The following RNF169 variants were observed in gnomAD, a reference collection of about 807,000 sequenced individuals.
RNF169 encodes ring finger protein 169.
A neutral mutation model predicts 53.9 loss-of-function variants in RNF169; 24 were observed. That is an observed-to-expected ratio of 0.45 (90% confidence interval 0.32 to 0.63). RNF169 has a LOEUF of 0.63. RNF169 is among the 20% of genes least tolerant of loss of function. The pLI, the probability that RNF169 is intolerant of heterozygous loss-of-function variation, is 0.04. For missense variants in RNF169, 883 were observed against 906.2 expected, an observed-to-expected ratio of 0.97 and a Z score of 0.33; for synonymous variants, 396 against 363.5, an observed-to-expected ratio of 1.09 and a Z score of -1.02.
At chr11:74,831,257 TG>T (rs1442956360) in intron 4 of RNF169, 5 of 152,112 alleles carry the variant, frequency 3.3e-5, no homozygotes, top group Admixed American at 6.5e-5. Flanking sequence ...AAAAAATCCA[TG>T]AAATAATTGT....
intron 2 of RNF169, among the ~76,000 whole-genome samples, chr11:74,790,278 T>C (rs2035561389): frequency 6.6e-6 from 1 of 152,230 alleles, no homozygotes; most frequent in Admixed American, 6.5e-5. Context: ...ATAAGAAGTA[T>C]GTTGCTAGAT....
chr11:74,836,764 C>G lies in RNF169; in HGVS notation c.*34C>G, dbSNP rs764801955. On this transcript the variant is annotated 3_prime_UTR_variant, in exon 6 of 6. Coordinates refer to ENST00000299563, the MANE Select transcript of RNF169 (RefSeq NM_001098638.2). ...GAAGTGTTACCTATTTTTAAAAGGT[C>G]TTAGGCCTTGATCATTTATCCTGAA... The G allele has an allele frequency of 6.7e-7, 1 of 1,482,964 alleles. No individual in the cohort carries two copies. Among genetic ancestry groups the G allele is most frequent in the South Asian group, 1.2e-5 (1 of 81,220 alleles). 91.9% of individuals were successfully genotyped at this position (1,482,964 alleles called of 1,614,324 possible).
chr11:74,802,695 T>C (rs994653466), intron 2 of RNF169, among the ~76,000 whole-genome samples: 6 of 152,144 alleles, frequency 3.9e-5, no homozygotes, highest in African/African-American at 1.4e-4. Context: ...GTGAGCAACT[T>C]TGTCATTTTT....
intron 4 of RNF169, among the ~76,000 whole-genome samples, chr11:74,818,856 G>A (rs184513144): frequency 9.2e-5 from 14 of 152,082 alleles, no homozygotes; most frequent in African/African-American, 3.4e-4. Context: ...TCATTTTGGG[G>A]CTTTTTTGTT....
At position 74,751,260 on chromosome 11, in the gene RNF169, A is replaced by G. The variant is rs928608370; in HGVS notation, c.502+1878A>G. On this transcript the variant is annotated intron_variant, in intron 1 of 5. Transcript: ENST00000299563. Reference sequence around the variant, plus strand: ...GATGAAACTGAGGTCCAGAGAGGTTAACTAACTTGCCTAAGGATGAAAACC... The same window carrying G: ...GATGAAACTGAGGTCCAGAGAGGTTGACTAACTTGCCTAAGGATGAAAACC... Among the ~76,000 whole-genome samples the G allele has an allele frequency of 1.8e-4, 28 of 152,214 alleles. 1 individual carries two copies. The highest frequency in any genetic ancestry group is 6.8e-4 in the African/African-American group (28 of 41,452).
chr11:74,801,066 C>T (rs755229595), intron 2 of RNF169, among the ~76,000 whole-genome samples: 18 of 152,078 alleles, frequency 1.2e-4, no homozygotes, highest in Admixed American at 2.6e-4. Context: ...TATTTAGATA[C>T]GCTTAATTCT....
chr11:74,819,198 T>A (rs937100281), intron 4 of RNF169, among the ~76,000 whole-genome samples: 1 of 152,200 alleles, frequency 6.6e-6, no homozygotes, highest in Non-Finnish European at 1.5e-5. Context: ...CTGCTGCTGC[T>A]GCTGCAATTT....
In RNF169 at chr11:74,841,569, A is replaced by T. The variant is rs969776609; in HGVS notation, c.*4839A>T. ...ATTTACTCTCTCTCCTTTGTGAGTA[A>T]ATGCCTCCTTAATGCCTTTTAAGTA... On this transcript the variant is annotated 3_prime_UTR_variant, in exon 6 of 6. Transcript: ENST00000299563. 1 of 152,170 alleles carries T rather than the reference A, an allele frequency of 6.6e-6. No homozygotes were observed. 9.4% of individuals were successfully genotyped at this position (152,170 alleles called of 1,614,324 possible). A position where few individuals can be genotyped will look rare whatever the true frequency, so the allele number is the denominator to read the frequency against.
At chr11:74,793,528 C>G (rs2035607959) in intron 2 of RNF169, among the ~76,000 whole-genome samples, 1 of 152,092 alleles carries the variant, frequency 6.6e-6, no homozygotes, top group African/African-American at 2.4e-5. Flanking sequence ...ATTTAAAAAT[C>G]CTAGATTCTA....
intron 1 of RNF169, among the ~76,000 whole-genome samples, chr11:74,784,230 T>TTTA (rs2035456220): frequency 6.6e-6 from 1 of 152,248 alleles, no homozygotes; most frequent in Admixed American, 6.5e-5. Flanking sequence ...GTATTGTTAC[T>TTTA]GAATCACTAA....
At chr11:74,795,410 C>CT (rs940519400) in intron 2 of RNF169, among the ~76,000 whole-genome samples, 12 of 152,178 alleles carry the variant, frequency 7.9e-5, no homozygotes, top group Middle Eastern at 3.4e-3. Flanking sequence ...ACTTGAACCT[C>CT]TGGGCTCAAG....
chr11:74,791,898 G>A (rs368841321), intron 2 of RNF169, among the ~76,000 whole-genome samples: 176 of 152,336 alleles, frequency 1.2e-3, no homozygotes, highest in Non-Finnish European at 3.8e-4. Flanking sequence ...TCCGTGGAGC[G>A]TACAGCCCCA....
At chr11:74,827,386 A>T (rs1185208306) in intron 4 of RNF169, among the ~76,000 whole-genome samples, 1 of 152,200 alleles carries the variant, frequency 6.6e-6, no homozygotes, top group Non-Finnish European at 1.5e-5. Context: ...CTGCAGTGGG[A>T]GGGCTTGCTG....
intron 1 of RNF169, among the ~76,000 whole-genome samples, chr11:74,756,117 C>G (rs1173236539): frequency 6.6e-6 from 1 of 152,054 alleles, no homozygotes; most frequent in African/African-American, 2.4e-5. Context: ...TTCAGTCATT[C>G]ATTAATTTAG....
Position 74,789,762 on chromosome 11 carries a change from CT to C in RNF169, c.576+65del, listed in dbSNP as rs2035554833. 5 of 1,096,626 alleles carry C rather than the reference CT, an allele frequency of 4.6e-6. No individual in the cohort carries two copies. In the East Asian group the frequency reaches 9.5e-5, roughly 21 times the overall value. 67.9% of individuals were successfully genotyped at this position (1,096,626 alleles called of 1,614,324 possible). ...ATTGAAATAATGACATTAAAGAATG[CT>C]TAGTGGGAGTTTTGACCAGGTTTTA... is the stretch of plus-strand genomic sequence containing the variant. On this transcript the variant is annotated intron_variant, in intron 2 of 5. Coordinates refer to ENST00000299563, the MANE Select transcript of RNF169 (RefSeq NM_001098638.2).
Position 74,811,486 on chromosome 11 carries a change from C to T in RNF169, c.723+1156C>T, listed in dbSNP as rs755767990. Among the ~76,000 whole-genome samples the T allele has an allele frequency of 1.6e-4, 25 of 152,260 alleles. No individual in the cohort carries two copies. In the Middle Eastern group the frequency reaches 0.01, roughly 62 times the overall value. On this transcript the variant is annotated intron_variant, in intron 3 of 5. Coordinates refer to ENST00000299563, the MANE Select transcript of RNF169 (RefSeq NM_001098638.2). ...CTGGGTTCAAGTGATCTGTCCACCT[C>T]GGCCTCCCAAAGTGCTGGGATTACA...
chr11:74,819,993 T>TA, intron 4 of RNF169, among the ~76,000 whole-genome samples: 1 of 152,106 alleles, frequency 6.6e-6, no homozygotes, highest in Non-Finnish European at 1.5e-5. Flanking sequence ...AGTGTATGTA[T>TA]AAGGACAGAT....
intron 1 of RNF169, 21 bp downstream of exon 1, chr11:74,749,403 C>G (rs746808337): frequency 6.4e-6 from 8 of 1,241,678 alleles, no homozygotes; most frequent in Non-Finnish European, 8.1e-6. Context: ...CCCACTTCCC[C>G]TTAGGGTCTG....
chr11:74,813,126 GCCACTCCCCCAAACCC>G (rs1324559809), intron 3 of RNF169, among the ~76,000 whole-genome samples: 2 of 152,070 alleles, frequency 1.3e-5, no homozygotes, highest in African/African-American at 2.4e-5. Flanking sequence ...ACTTCTATCA[GCCACTCCCCCAAACCC>G]CCACTTTGTA....
Sources: allele counts gnomAD v4.1 joint callset (sites outside exome capture counted in the v4.1 genomes callset), GRCh38; gene constraint gnomAD v4.1.1; transcripts MANE v1.5; gene names NCBI Gene and HGNC (gene_info 2026-07-23, HGNC 2026-07-21).